Variants in NRG1 observed in about 807,000 individuals in gnomAD.
NRG1 encodes the protein pro-neuregulin-1, membrane-bound isoform.
In NRG1, 18 loss-of-function variants were observed where a neutral mutation model predicts 63.8. The ratio of observed to expected loss-of-function variants is 0.28; its 90% CI spans 0.19 to 0.42. The LOEUF is 0.42. Among genes scored for constraint, NRG1 ranks in the 10% least tolerant of loss-of-function variants. The pLI, the probability that NRG1 is intolerant of heterozygous loss-of-function variation, is 1.00. For synonymous variants in NRG1, 302 were observed against 301.3 expected, an observed-to-expected ratio of 1.00 and a Z score of -0.02; for missense variants, 762 against 814.7, an observed-to-expected ratio of 0.94 and a Z score of 0.79.
At chr8:32,475,481 G>A (rs1376417067) in intron 1 of NRG1, among the ~76,000 whole-genome samples, 28 of 63,412 alleles carry the variant, frequency 4.4e-4, no homozygotes, top group East Asian at 1.2e-3. Flanking sequence ...AAAAAAAAAA[G>A]TGCCTACTCA....
At chr8:32,343,565 A>G (rs979004872) in intron 1 of NRG1, among the ~76,000 whole-genome samples, 8 of 152,172 alleles carry the variant, frequency 5.3e-5, no homozygotes, top group Non-Finnish European at 1.0e-4. Context: ...CAATGACCTA[A>G]TAAGCAGATT....
chr8:32,333,815 C>T (rs568309056), intron 1 of NRG1, among the ~76,000 whole-genome samples: 39 of 152,090 alleles, frequency 2.6e-4, no homozygotes, highest in Non-Finnish European at 2.9e-4. Flanking sequence ...ACCCTGTGTA[C>T]GAAATGTATG....
At chr8:31,968,914 G>T (rs1806824824) in intron 1 of NRG1, among the ~76,000 whole-genome samples, 1 of 152,186 alleles carries the variant, frequency 6.6e-6, no homozygotes. Flanking sequence ...AACATCACTT[G>T]CATGTAAGAA....
chr8:32,611,379 AAATTTCAC>A (rs144765068), intron 3 of NRG1, among the ~76,000 whole-genome samples: 16,497 of 152,144 alleles, frequency 0.11, 904 homozygotes, highest in African/African-American at 0.13. Context: ...ATGATGTTAG[AAATTTCAC>A]AATATTGGGA....
chr8:32,478,262 TG>T (rs2129492358), intron 1 of NRG1, among the ~76,000 whole-genome samples: 2 of 91,796 alleles, frequency 2.2e-5, no homozygotes, highest in South Asian at 6.4e-4. Flanking sequence ...GCTTCTTCCA[TG>T]TGGGGGGGCC....
intron 3 of NRG1, among the ~76,000 whole-genome samples, chr8:32,609,754 A>G (rs1193394175): frequency 2.0e-5 from 3 of 148,794 alleles, no homozygotes; most frequent in Non-Finnish European, 4.5e-5. Context: ...GATTCAAGCA[A>G]TTCTCCTCCT....
chr8:32,654,446 T>A (rs1563867471), intron 5 of NRG1, among the ~76,000 whole-genome samples: 1 of 151,944 alleles, frequency 6.6e-6, no homozygotes, highest in South Asian at 2.1e-4. Flanking sequence ...CTGGCCAACA[T>A]GGTGAAACCC....
intron 1 of NRG1, among the ~76,000 whole-genome samples, chr8:32,455,447 C>A (rs777859307): frequency 3.9e-5 from 6 of 152,124 alleles, no homozygotes; most frequent in Admixed American, 2.6e-4. Flanking sequence ...CCCTGATGAT[C>A]CCTTGATTTT....
intron 1 of NRG1, among the ~76,000 whole-genome samples, chr8:32,587,486 T>A (rs1398880517): frequency 6.6e-6 from 1 of 152,110 alleles, no homozygotes; most frequent in East Asian, 1.9e-4. Flanking sequence ...TTTTTGTTAG[T>A]GTCTGATGGC....
At chr8:32,578,156 G>A (rs761191844) in intron 1 of NRG1, among the ~76,000 whole-genome samples, 21 of 151,942 alleles carry the variant, frequency 1.4e-4, no homozygotes, top group African/African-American at 3.9e-4. Context: ...CACCACGCCC[G>A]GATAATTTTT....
At chr8:32,081,017 C>G (rs542816573) in intron 1 of NRG1, among the ~76,000 whole-genome samples, 23 of 152,076 alleles carry the variant, frequency 1.5e-4, no homozygotes, top group African/African-American at 5.5e-4. Flanking sequence ...GATCTTCAAC[C>G]GATTGAATCA....
At chr8:32,550,268 T>C (rs1833867916) in intron 1 of NRG1, among the ~76,000 whole-genome samples, 1 of 152,256 alleles carries the variant, frequency 6.6e-6, no homozygotes, top group East Asian at 1.9e-4. Context: ...TTTTACCCTA[T>C]ATTTTGGGGA....
chr8:32,682,249 A>G (rs892594874), intron 5 of NRG1, among the ~76,000 whole-genome samples: 1 of 152,102 alleles, frequency 6.6e-6, no homozygotes, highest in East Asian at 1.9e-4. Context: ...ATGATGAATC[A>G]CCCATTCATG....
intron 1 of NRG1, among the ~76,000 whole-genome samples, chr8:31,680,410 C>T (rs182925485): frequency 1.7e-4 from 26 of 151,656 alleles, no homozygotes; most frequent in East Asian, 5.9e-4. Context: ...TCTGTTCTTG[C>T]GATAGTTTAC....
chr8:31,796,261 T>C (rs980870377), intron 1 of NRG1, among the ~76,000 whole-genome samples: 4 of 151,568 alleles, frequency 2.6e-5, no homozygotes, highest in Non-Finnish European at 5.9e-5. Flanking sequence ...AGAAGCTCAG[T>C]GATCTTTTTA....
chr8:32,187,937 T>C (rs565078812), intron 1 of NRG1, among the ~76,000 whole-genome samples: 1 of 152,354 alleles, frequency 6.6e-6, no homozygotes, highest in African/African-American at 2.4e-5. Flanking sequence ...CAGAGGAGTT[T>C]GTTCACACAT....
At chr8:32,728,676 G>C in intron 6 of NRG1, 1 of 983,876 alleles carries the variant, frequency 1.0e-6, no homozygotes, top group African/African-American at 1.7e-5. Flanking sequence ...TAGCATCCCT[G>C]TGGGTGACAG....
chr8:32,413,720 C>G lies in NRG1; in HGVS notation c.38-182108C>G, dbSNP rs550371401. Among the ~76,000 whole-genome samples, 6 of 152,212 alleles carry G rather than the reference C, an allele frequency of 3.9e-5. No homozygotes were observed. The East Asian group carries it at 1.2e-3, about 29-fold the overall frequency. On this transcript the variant is annotated intron_variant, in intron 1 of 10. Transcript: ENST00000519301. ...TTTGCTGAGGAACATATGATTGATC[C>G]TAGTTCACCTGCTGAACATGCATAG...
chr8:31,869,825 G>A (rs766379581), intron 1 of NRG1, among the ~76,000 whole-genome samples: 2 of 152,166 alleles, frequency 1.3e-5, no homozygotes, highest in Non-Finnish European at 2.9e-5. Context: ...ATGCCTTTCA[G>A]TATGCATTGA....
Sources: allele counts gnomAD v4.1 joint callset (sites outside exome capture counted in the v4.1 genomes callset), GRCh38; gene constraint gnomAD v4.1.1; transcripts MANE v1.5; gene names NCBI Gene and HGNC (gene_info 2026-07-23, HGNC 2026-07-21).